AFF4: variants seen among roughly 807,000 people sequenced by gnomAD.
The protein encoded by AFF4 is ALF transcription elongation factor 4.
Under a neutral mutation model 124.8 loss-of-function variants are expected in AFF4, and 13 were observed. That is an observed-to-expected ratio of 0.10 (90% CI 0.07 to 0.17). AFF4 has a LOEUF of 0.17. Ranked by LOEUF, AFF4 falls within the 10% of genes least tolerant of loss-of-function variation. The probability of loss-of-function intolerance (pLI) is 1.00; values close to 1 mark genes in which losing one functional copy is unlikely to be tolerated. For missense variants in AFF4, 1,092 were observed against 1,403.8 expected (o/e 0.78, Z 3.55); for synonymous variants, 477 against 496.1 (o/e 0.96, Z 0.51).
At chr5:132,927,466 G>C (rs1379326422) in intron 4 of AFF4, 6 of 365,618 alleles carry the variant, frequency 1.6e-5, no homozygotes, top group Non-Finnish European at 4.9e-6. Flanking sequence ...AAATCAGCCT[G>C]TAATCAAATA....
At chr5:132,940,969 G>A (rs999028798) in intron 1 of AFF4, among the ~76,000 whole-genome samples, 3 of 151,832 alleles carry the variant, frequency 2.0e-5, no homozygotes, top group African/African-American at 7.3e-5. Context: ...GGAGGTTGCA[G>A]TGAGCTGAGA....
At chr5:132,947,795 G>C (rs1301356917) in intron 1 of AFF4, among the ~76,000 whole-genome samples, 2 of 152,114 alleles carry the variant, frequency 1.3e-5, no homozygotes, top group Admixed American at 6.6e-5. Context: ...GGGAAACAAA[G>C]GTTGTACACC....
intron 5 of AFF4, chr5:132,926,596 G>A (rs769893568): frequency 1.1e-4 from 17 of 152,120 alleles, no homozygotes; most frequent in Non-Finnish European, 2.3e-4. Context: ...GCGTGCTGTG[G>A]TGCAATCACA....
chr5:132,954,218 A>AT (rs1351108027), intron 1 of AFF4, among the ~76,000 whole-genome samples: 1 of 152,152 alleles, frequency 6.6e-6, no homozygotes, highest in Non-Finnish European at 1.5e-5. Flanking sequence ...AAAGAAAACC[A>AT]TTTCACCTCA....
chr5:132,877,056 T>A lies in AFF4; in HGVS notation c.*4003A>T, dbSNP rs1759855407. 2 of 201,228 alleles carry A rather than the reference T, an allele frequency of 9.9e-6. No individual in the cohort carries two copies. The highest frequency in any genetic ancestry group is 1.5e-4 in the East Asian group (2 of 13,004). The allele number at this position is 201,228 out of a possible 1,614,324, so 12.5% of individuals were successfully genotyped here. Reference sequence around the variant, plus strand: ...CATAAAGCTGAAATGAAATTTATGTTCCATGTATTAGGGGATATACAGGTA... The same window carrying A: ...CATAAAGCTGAAATGAAATTTATGTACCATGTATTAGGGGATATACAGGTA... On this transcript the variant is annotated 3_prime_UTR_variant, in exon 21 of 21. Coordinates refer to ENST00000265343, the MANE Select transcript of AFF4 (RefSeq NM_014423.4).
chr5:132,912,304 T>C (rs1006728040), intron 5 of AFF4, among the ~76,000 whole-genome samples: 3 of 151,972 alleles, frequency 2.0e-5, no homozygotes, highest in Non-Finnish European at 2.9e-5. Flanking sequence ...ATTGCACCAC[T>C]GCACTCCAGC....
chr5:132,934,593 T>G lies in AFF4; in HGVS notation c.472A>C (p.Asn158His), dbSNP rs147286490. ...TTTTTCCGGCTACTGCTCCCACTAT[T>G]GTTATATGACTCACGGTCGTGCCTC... ...GQRHDRESYNNSGSSSRKKGQ... is the reference protein window; with the variant it reads ...GQRHDRESYNHSGSSSRKKGQ... The change falls in exon 3 of 21, where the codon AAT becomes CAT. Residue 158 changes from asparagine (N) to histidine (H), a missense_variant. Transcript: ENST00000265343. 209 of 1,614,134 alleles carry G rather than the reference T, an allele frequency of 1.3e-4. No individual in the cohort carries two copies. The highest frequency in any genetic ancestry group is 5.7e-4 in the Admixed American group (34 of 60,010).
rs1448196429 is a variant in AFF4, at chr5:132,889,157, C to G, written c.2654G>C (p.Ser885Thr). The change falls in exon 14 of 21, where the codon AGC becomes ACC. Residue 885 changes from serine (S) to threonine (T), a missense_variant. Around this residue, in one of 11 missense-constraint regions of AFF4, gnomAD observed 293 missense variants for 280.2 expected, o/e 1.05. Coordinates refer to ENST00000265343, the MANE Select transcript of AFF4 (RefSeq NM_014423.4). ...SKEVKEKAPS[S>T]SSNCPPSAPT... is the part of the protein sequence containing the mutation. ...TGCAGATGGAGGACAGTTAGAGGAGCTACTTGGAGCCTTTTCCTGACCAAA... is the reference window on the plus strand; with the variant it reads ...TGCAGATGGAGGACAGTTAGAGGAGGTACTTGGAGCCTTTTCCTGACCAAA... 2 of 1,613,534 alleles carry G rather than the reference C, an allele frequency of 1.2e-6. No individual in the cohort carries two copies.
intron 20 of AFF4, 86 bp from the exon 21 acceptor site, chr5:132,881,272 T>C (rs1279260777): frequency 1.4e-6 from 2 of 1,428,108 alleles, no homozygotes; most frequent in Admixed American, 2.5e-5. Flanking sequence ...TAAAACAGCA[T>C]TCATAAACTC....
chr5:132,945,681 G>A (rs187082222), intron 1 of AFF4, among the ~76,000 whole-genome samples: 38 of 152,126 alleles, frequency 2.5e-4, no homozygotes, highest in Non-Finnish European at 4.9e-4. Flanking sequence ...GAACCTGGGA[G>A]GTGGAGGTTG....
chr5:132,887,418 T>C, intron 17 of AFF4, 103 bp downstream of exon 17: 1 of 1,072,868 alleles, frequency 9.3e-7, no homozygotes, highest in East Asian at 2.4e-5. Context: ...TAAGACAGGA[T>C]TACAGAAGTC....
chr5:132,959,330 C>T (rs1279510939), intron 1 of AFF4, among the ~76,000 whole-genome samples: 1 of 151,968 alleles, frequency 6.6e-6, no homozygotes, highest in Non-Finnish European at 1.5e-5. Flanking sequence ...CCATATTGTC[C>T]AGGATTGTCT....
intron 5 of AFF4, among the ~76,000 whole-genome samples, chr5:132,925,937 A>G (rs1340392714): frequency 6.6e-6 from 1 of 152,246 alleles, no homozygotes; most frequent in East Asian, 1.9e-4. Context: ...AGGCACCAAC[A>G]AAGATACCAA....
At chr5:132,892,894 G>C in intron 12 of AFF4, 136 bp downstream of exon 12, 2 of 730,230 alleles carry the variant, frequency 2.7e-6, no homozygotes, top group Non-Finnish European at 4.6e-6. Context: ...CCCACTATTT[G>C]GCATATGTTA....
intron 1 of AFF4, among the ~76,000 whole-genome samples, chr5:132,939,468 G>A (rs1243294818): frequency 6.6e-6 from 1 of 152,152 alleles, no homozygotes; most frequent in Non-Finnish European, 1.5e-5. Flanking sequence ...CCAAGTAATA[G>A]TTTTATATCA....
chr5:132,911,846 C>T (rs1390419732), intron 5 of AFF4, among the ~76,000 whole-genome samples: 1 of 146,456 alleles, frequency 6.8e-6, no homozygotes, highest in African/African-American at 2.5e-5. Context: ...TTAAAGACCG[C>T]CAAAAAAAAA....
intron 1 of AFF4, among the ~76,000 whole-genome samples, chr5:132,955,915 C>T (rs900269964): frequency 7.0e-6 from 1 of 143,086 alleles, no homozygotes; most frequent in African/African-American, 2.6e-5. Context: ...ATAATATATA[C>T]TATACTTACT....
chr5:132,880,453 T>C lies in AFF4; in HGVS notation c.*606A>G, dbSNP rs963543613. Reference sequence around the variant, plus strand: ...ATTTTCTCATATTTAAGTGATTTTTTCATGTGTAGAAGAATATCCTTAATA... The same window carrying C: ...ATTTTCTCATATTTAAGTGATTTTTCCATGTGTAGAAGAATATCCTTAATA... On this transcript the variant is annotated 3_prime_UTR_variant, in exon 21 of 21. Coordinates refer to ENST00000265343, the MANE Select transcript of AFF4 (RefSeq NM_014423.4). The C allele has an allele frequency of 4.8e-5, 19 of 397,822 alleles. No individual in the cohort carries two copies. Among genetic ancestry groups the C allele is most frequent in the Non-Finnish European group, 6.6e-5 (15 of 225,706 alleles). The allele number at this position is 397,822 out of a possible 1,614,324, so 24.6% of individuals were successfully genotyped here.
chr5:132,916,562 T>C (rs1461238168), intron 5 of AFF4, among the ~76,000 whole-genome samples: 1 of 152,166 alleles, frequency 6.6e-6, no homozygotes, highest in Non-Finnish European at 1.5e-5. Context: ...ATCAATGATC[T>C]TAATACTTCA....
Sources: allele counts gnomAD v4.1 joint callset (sites outside exome capture counted in the v4.1 genomes callset), GRCh38; gene constraint gnomAD v4.1.1; regional missense constraint gnomAD v4.1.1; transcripts MANE v1.5; gene names NCBI Gene and HGNC (gene_info 2026-07-23, HGNC 2026-07-21).